Variants in SPATA19 observed in about 807,000 individuals in gnomAD.
SPATA19 encodes spermatogenesis associated 19, also known as spermatogenesis-associated protein 19, mitochondrial.
A neutral mutation model predicts 25.0 loss-of-function variants in SPATA19; 19 were observed. That is an observed-to-expected ratio of 0.76 (90% CI 0.53 to 1.11). The LOEUF (loss-of-function observed/expected upper bound fraction) is 1.11, where lower values mean the gene tolerates loss of function less well. SPATA19 is among the 50% of genes most tolerant of loss of function. SPATA19 has a pLI of 0.00. For synonymous variants in SPATA19, 64 were observed against 69.3 expected, an observed-to-expected ratio of 0.92 and a Z score of 0.38; for missense variants, 222 against 211.4, an observed-to-expected ratio of 1.05 and a Z score of -0.31.
At chr11:133,844,009 C>G (rs1938365568) in intron 4 of SPATA19, among the ~76,000 whole-genome samples, 1 of 152,200 alleles carries the variant, frequency 6.6e-6, no homozygotes, top group Non-Finnish European at 1.5e-5. Context: ...TATTCAGAAG[C>G]ATTTAAGAAA....
chr11:133,844,203 T>C (rs1732921828), intron 4 of SPATA19, 43 bp downstream of exon 4: 1 of 1,529,984 alleles, frequency 6.5e-7, no homozygotes, highest in African/African-American at 1.4e-5. Flanking sequence ...CTTGCGCATC[T>C]CTCCCTCCCC....
downstream of SPATA19, among the ~76,000 whole-genome samples, chr11:133,839,233 T>G (rs1938260151): frequency 6.6e-6 from 1 of 152,062 alleles, no homozygotes; most frequent in South Asian, 2.1e-4. Flanking sequence ...CATGCACACG[T>G]ATGTTTATTG....
At chr11:133,836,073 C>A (rs1565394644), downstream of SPATA19, among the ~76,000 whole-genome samples, 1 of 152,214 alleles carries the variant, frequency 6.6e-6, no homozygotes, top group Non-Finnish European at 1.5e-5. Flanking sequence ...GGATCCTTAA[C>A]CAGGTCTCCA....
At chr11:133,838,979 G>A (rs1181568363), downstream of SPATA19, among the ~76,000 whole-genome samples, 2 of 151,804 alleles carry the variant, frequency 1.3e-5, no homozygotes, top group Admixed American at 1.3e-4. Context: ...AACCACAATG[G>A]GATACCATCT....
chr11:133,838,812 G>C (rs10791325), downstream of SPATA19, among the ~76,000 whole-genome samples: 1 of 151,938 alleles, frequency 6.6e-6, no homozygotes, highest in Admixed American at 6.5e-5. Flanking sequence ...ACAGTCTACA[G>C]TGAACTTAAA....
chr11:133,845,342 C>T (rs1377443152), intron 1 of SPATA19, 27 bp downstream of exon 1: 7 of 1,568,882 alleles, frequency 4.5e-6, no homozygotes, highest in Non-Finnish European at 6.1e-6. Context: ...AAAAATTATT[C>T]CATGTGACTA....
chr11:133,841,657 G>C (rs1398117323), intron 6 of SPATA19, among the ~76,000 whole-genome samples: 2 of 152,236 alleles, frequency 1.3e-5, no homozygotes, highest in Admixed American at 6.5e-5. Flanking sequence ...TACGATCTGT[G>C]ACTCAAGGTG....
downstream of SPATA19, among the ~76,000 whole-genome samples, chr11:133,836,795 G>A (rs1938220079): frequency 6.6e-6 from 1 of 152,162 alleles, no homozygotes; most frequent in Admixed American, 6.5e-5. Context: ...ACCAGGGCAG[G>A]GACCAGGTGG....
Position 133,842,043 on chromosome 11 carries a change from C to A in SPATA19, c.500G>T (p.Cys167Phe). Residue 167 changes from cysteine (C) to phenylalanine (F), a missense_variant, in exon 6 of 7, where the codon TGC becomes TTC. Transcript: ENST00000299140. ...CAGCTCTCTCACCTGTTGCTCTCAG[C>A]AGTCTGAGGAGGAGGGTCTCATACT... is the stretch of plus-strand genomic sequence containing the variant. ...DFSMRPSSSDC is the reference protein window; with the variant it reads ...DFSMRPSSSDF 1 of 1,614,012 alleles carries A rather than the reference C, an allele frequency of 6.2e-7. No individual in the cohort carries two copies. The highest frequency in any genetic ancestry group is 8.5e-7 in the Non-Finnish European group (1 of 1,179,916).
Position 133,845,468 on chromosome 11 carries a change from C to G in SPATA19, c.-22G>C. On this transcript the variant is annotated 5_prime_UTR_variant, in exon 1 of 7. Transcript: ENST00000299140. ...TCATCTTTGAATGTATACCAGGCCC[C>G]CTTCTTGGCTCCCTCCTTCCATTGA... is the stretch of plus-strand genomic sequence containing the variant. 6.2e-7 allele frequency: 1 copy of G among 1,613,258 alleles called. No individual in the cohort carries two copies. Among genetic ancestry groups the G allele is most frequent in the East Asian group, 2.2e-5 (1 of 44,874 alleles).
rs1001166481 is a variant in SPATA19 at position 133,841,570 on chromosome 11, G to A, written c.*9+460C>T. Among the ~76,000 whole-genome samples, 10 of 152,264 alleles carry A rather than the reference G, an allele frequency of 6.6e-5. No individual in the cohort carries two copies. The East Asian group carries it at 1.7e-3, about 27-fold the overall frequency. On this transcript the variant is annotated intron_variant, in intron 6 of 6. Coordinates refer to ENST00000299140, the MANE Select transcript of SPATA19 (RefSeq NM_174927.3). Reference sequence around the variant, plus strand: ...GTGTGACCACCGGGCCAAGCACAAGGCAAGTGGCCATGGGACCAAAAGTCA... The same window carrying A: ...GTGTGACCACCGGGCCAAGCACAAGACAAGTGGCCATGGGACCAAAAGTCA...
At chr11:133,839,343 A>G (rs924593695), downstream of SPATA19, among the ~76,000 whole-genome samples, 2 of 152,236 alleles carry the variant, frequency 1.3e-5, no homozygotes, top group African/African-American at 4.8e-5. Flanking sequence ...ATGGAATACT[A>G]TGCAGCCATA....
downstream of SPATA19, among the ~76,000 whole-genome samples, chr11:133,837,101 A>T (rs752270302): frequency 1.3e-5 from 2 of 152,204 alleles, no homozygotes; most frequent in Admixed American, 6.5e-5. Context: ...TAAATACTTC[A>T]ATAAGACTTC....
chr11:133,843,209 T>C (rs916590300), intron 4 of SPATA19, among the ~76,000 whole-genome samples: 2 of 152,176 alleles, frequency 1.3e-5, no homozygotes, highest in Non-Finnish European at 2.9e-5. Context: ...ACTAGTTTTT[T>C]TATACAGACG....
In SPATA19 at chr11:133,840,794, C is replaced by T. The variant is rs2121176489; in HGVS notation, c.*139G>A. ...CTTCTGATACAGGTTGCTGCTGGAC[C>T]CTGAAGGACTTCCACCTGGGAGGTA... On this transcript the variant is annotated 3_prime_UTR_variant, in exon 7 of 7. Coordinates refer to ENST00000299140, the MANE Select transcript of SPATA19 (RefSeq NM_174927.3). The T allele has an allele frequency of 6.6e-6, 1 of 152,264 alleles. No individual in the cohort carries two copies. The highest frequency in any genetic ancestry group is 6.5e-5 in the Admixed American group (1 of 15,292). The allele number at this position is 152,264 out of a possible 1,614,324, so 9.4% of individuals were successfully genotyped here. A position where few individuals can be genotyped will look rare whatever the true frequency, so the allele number is the denominator to read the frequency against.
At position 133,843,104 on chromosome 11, in the gene SPATA19, A is replaced by T. The variant is rs1421529812; in HGVS notation, c.360-542T>A. On this transcript the variant is annotated intron_variant, in intron 4 of 6. Transcript: ENST00000299140. The stretch of plus-strand genomic sequence containing the variant: ...GTGGGTTGTGGGGGGAGATAGGCGG[A>T]GGCTTTTGGTTTAAAATCTTTGTAG... Among the ~76,000 whole-genome samples, 3 of 152,192 alleles carry T rather than the reference A, an allele frequency of 2.0e-5. No individual in the cohort carries two copies. In the East Asian group the frequency reaches 5.8e-4, roughly 29 times the overall value.
intron 5 of SPATA19, 60 bp from the exon 6 acceptor site, chr11:133,842,165 C>T: frequency 1.3e-6 from 2 of 1,544,602 alleles, no homozygotes; most frequent in Non-Finnish European, 1.8e-6. Context: ...CAGAGCCTAC[C>T]CAGACCACGG....
At chr11:133,842,207 C>T in intron 5 of SPATA19, 102 bp from the exon 6 acceptor site, 1 of 1,230,544 alleles carries the variant, frequency 8.1e-7, no homozygotes, top group Non-Finnish European at 1.2e-6. Flanking sequence ...GCAGGCCGTG[C>T]CTAGGCCGTG....
downstream of SPATA19, among the ~76,000 whole-genome samples, chr11:133,836,387 G>A (rs1381155058): frequency 6.6e-6 from 1 of 152,212 alleles, no homozygotes; most frequent in African/African-American, 2.4e-5. Context: ...GAAGAGTGGG[G>A]CAGGGGAGGA....
Sources: allele counts gnomAD v4.1 joint callset (sites outside exome capture counted in the v4.1 genomes callset), GRCh38; gene constraint gnomAD v4.1.1; transcripts MANE v1.5; gene names NCBI Gene and HGNC (gene_info 2026-07-23, HGNC 2026-07-21).